NAV3: variants seen among roughly 807,000 people sequenced by gnomAD.
NAV3 encodes the protein pore membrane and/or filament interacting like protein 1.
In NAV3, 87 loss-of-function variants were observed where a neutral mutation model predicts 244.7. The ratio of observed to expected loss-of-function variants is 0.36; its 90% CI spans 0.30 to 0.42. The LOEUF (loss-of-function observed/expected upper bound fraction) is 0.42, where lower values mean the gene tolerates loss of function less well. Ranked by LOEUF, NAV3 falls within the 20% of genes least tolerant of loss-of-function variation. The pLI is 1.00. For missense variants in NAV3, 2,663 were observed against 2,893.3 expected (o/e 0.92, Z 1.83); for synonymous variants, 1,126 against 1,042.2 (o/e 1.08, Z -1.55).
rs931267645 is a variant in NAV3, at chr12:77,628,867, G to A, written c.72+56601G>A. 2.7e-5 allele frequency among the ~76,000 whole-genome samples: 4 copies of A among 150,342 alleles called. No individual in the cohort carries two copies. The South Asian group carries it at 6.3e-4, about 24-fold the overall frequency. ...GATCTCATCACCACTGCAGTCCACA[G>A]TCCAGCCTGGGCGATGGGAGTGAGA... On this transcript the variant is annotated intron_variant, in intron 2 of 8. Transcript: ENST00000550042.
chr12:77,718,061 G>A (rs112131431), intron 2 of NAV3, among the ~76,000 whole-genome samples: 2,013 of 152,140 alleles, frequency 0.013, 27 homozygotes, highest in Non-Finnish European at 0.022. Context: ...TCCTTGCTAT[G>A]CAAAAGCTTG....
At chr12:77,876,302 T>C (rs1249725710) in intron 1 of NAV3, among the ~76,000 whole-genome samples, 1 of 152,076 alleles carries the variant, frequency 6.6e-6, no homozygotes, top group African/African-American at 2.4e-5. Context: ...TAATGTGCAA[T>C]AAGACTTCTA....
chr12:78,041,169 G>A (rs557575867), intron 9 of NAV3, among the ~76,000 whole-genome samples: 1 of 152,314 alleles, frequency 6.6e-6, no homozygotes, highest in African/African-American at 2.4e-5. Context: ...TGTGAACTTA[G>A]TGTAGAGAAA....
chr12:78,007,194 G>A lies in NAV3; in HGVS notation c.1656G>A (p.Glu552=). 1 of 1,614,176 alleles carries A rather than the reference G, an allele frequency of 6.2e-7. No homozygotes were observed. The highest frequency in any genetic ancestry group is 2.2e-5 in the East Asian group (1 of 44,872). ...GCAGCACAGCAAGCAAAGAGTCTGA[G>A]AAATTCAGGACTACCAAGGGGAGCC... ...SPGSTASKES[E]KFRTTKGSPS... is the part of the protein sequence containing the mutation. Residue 552 remains glutamate, a synonymous_variant, in exon 8 of 40, where the codon GAG becomes GAA. Transcript: ENST00000397909.
intron 2 of NAV3, among the ~76,000 whole-genome samples, chr12:77,640,099 CTG>C (rs879451025): frequency 2.0e-5 from 3 of 152,134 alleles, no homozygotes; most frequent in Admixed American, 2.0e-4. Context: ...GACATCTCCT[CTG>C]TTATACACAT....
intron 2 of NAV3, among the ~76,000 whole-genome samples, chr12:77,681,776 C>T (rs1874481321): frequency 6.6e-6 from 1 of 152,120 alleles, no homozygotes; most frequent in Non-Finnish European, 1.5e-5. Context: ...CAGGATTTCT[C>T]TTTCCAATTT....
chr12:77,827,236 CAAAAAAAAAA>C (rs10615824), upstream of NAV3, among the ~76,000 whole-genome samples: 2 of 68,530 alleles, frequency 2.9e-5, no homozygotes, highest in Non-Finnish European at 5.8e-5. Flanking sequence ...ACTCTGTCTC[CAAAAAAAAAA>C]AAAAAAAAAA....
chr12:78,050,233 A>G, intron 10 of NAV3, 132 bp downstream of exon 10: 2 of 693,628 alleles, frequency 2.9e-6, no homozygotes, highest in South Asian at 3.5e-5. Context: ...TTTTATATCA[A>G]ATTGATTGGT....
At chr12:78,085,481 C>G (rs1438345458) in intron 12 of NAV3, among the ~76,000 whole-genome samples, 1 of 151,944 alleles carries the variant, frequency 6.6e-6, no homozygotes, top group Non-Finnish European at 1.5e-5. Flanking sequence ...GTATAATCCA[C>G]AAAAAGGGAA....
chr12:78,016,859 A>G (rs1471774059), intron 8 of NAV3, among the ~76,000 whole-genome samples: 2 of 152,148 alleles, frequency 1.3e-5, no homozygotes, highest in South Asian at 2.1e-4. Context: ...CCTTTTAATG[A>G]TCAGTACATA....
chr12:78,059,667 G>A (rs897250697), intron 12 of NAV3, among the ~76,000 whole-genome samples: 1 of 152,046 alleles, frequency 6.6e-6, no homozygotes, highest in African/African-American at 2.4e-5. Flanking sequence ...TAAATGTATG[G>A]CTGGGGAGAT....
intron 3 of NAV3, among the ~76,000 whole-genome samples, chr12:77,942,663 T>C (rs946554805): frequency 5.9e-5 from 9 of 152,194 alleles, no homozygotes; most frequent in Non-Finnish European, 1.3e-4. Context: ...AGCTGTGTGA[T>C]GTTGAGAAAA....
chr12:78,133,661 A>T (rs1186844109), intron 18 of NAV3, among the ~76,000 whole-genome samples: 2 of 152,132 alleles, frequency 1.3e-5, no homozygotes, highest in Non-Finnish European at 2.9e-5. Context: ...TATTTAGTAG[A>T]CTACTGTGAG....
intron 2 of NAV3, among the ~76,000 whole-genome samples, chr12:77,669,637 C>T (rs967612048): frequency 1.3e-5 from 2 of 152,020 alleles, no homozygotes; most frequent in African/African-American, 4.8e-5. Flanking sequence ...AAGACTAGTA[C>T]AACAGGAAAA....
intron 23 of NAV3, among the ~76,000 whole-genome samples, chr12:78,163,433 A>G (rs972261851): frequency 2.6e-5 from 4 of 152,040 alleles, no homozygotes; most frequent in Non-Finnish European, 4.4e-5. Flanking sequence ...TAGACTCAGT[A>G]CAATGTCATG....
chr12:77,903,775 A>C (rs1448499456), intron 1 of NAV3, among the ~76,000 whole-genome samples: 2 of 152,230 alleles, frequency 1.3e-5, no homozygotes, highest in African/African-American at 4.8e-5. Flanking sequence ...TAGAATCTAC[A>C]ATAAACTCAA....
intron 2 of NAV3, among the ~76,000 whole-genome samples, chr12:77,772,348 A>G (rs1402903120): frequency 6.6e-6 from 1 of 152,218 alleles, no homozygotes; most frequent in African/African-American, 2.4e-5. Context: ...TAAATTTGAA[A>G]TATTTTAGTT....
intron 3 of NAV3, among the ~76,000 whole-genome samples, chr12:77,960,509 T>C (rs1048922588): frequency 6.7e-6 from 1 of 149,756 alleles, no homozygotes; most frequent in Non-Finnish European, 1.5e-5. Flanking sequence ...CATTAAAGTA[T>C]ATATCATGAT....
chr12:77,667,771 A>T (rs1873783625), intron 2 of NAV3, among the ~76,000 whole-genome samples: 1 of 152,126 alleles, frequency 6.6e-6, no homozygotes. Context: ...CCTAGGGCAA[A>T]TCTGCATCCT....
Sources: gnomAD v4.1 joint callset for allele counts (sites outside exome capture counted in the v4.1 genomes callset) on GRCh38, gnomAD v4.1.1 for gene constraint, MANE v1.5 for transcripts, NCBI Gene and HGNC (gene_info 2026-07-23, HGNC 2026-07-21) for gene names.